The following LRFN5 variants were observed in gnomAD, a reference collection of about 807,000 sequenced individuals.
LRFN5 encodes the protein leucine-rich repeat and fibronectin type-III domain-containing protein 5.
LRFN5 carries 24 observed loss-of-function variants against 45.6 expected under a neutral mutation model. The observed-to-expected ratio is 0.53, with a 90% CI of 0.38 to 0.74. LRFN5 has a LOEUF of 0.74. Among genes scored for constraint, LRFN5 ranks in the 30% least tolerant of loss-of-function variants. LRFN5 has a pLI of 0.00. For missense variants in LRFN5, 776 were observed against 861.5 expected (o/e 0.90, Z 1.24); for synonymous variants, 340 against 313.8 (o/e 1.08, Z -0.88).
At chr14:41,808,370 GAAGGGAAAGAAGGAAGGAAGGA>G in intron 2 of LRFN5, among the ~76,000 whole-genome samples, 1 of 115,978 alleles carries the variant, frequency 8.6e-6, no homozygotes, top group African/African-American at 3.4e-5. Flanking sequence ...AGGAAGGAAG[GAAGGGAAAGAAGGAAGGAAGGA>G]AAGGAAGAAA....
intron 2 of LRFN5, among the ~76,000 whole-genome samples, chr14:41,803,151 T>G (rs1393684942): frequency 6.6e-6 from 1 of 152,152 alleles, no homozygotes; most frequent in Non-Finnish European, 1.5e-5. Context: ...TCAGATAAGT[T>G]AATAAATCAT....
chr14:41,833,630 C>T (rs1888560256), intron 2 of LRFN5, among the ~76,000 whole-genome samples: 1 of 152,206 alleles, frequency 6.6e-6, no homozygotes, highest in Admixed American at 6.5e-5. Context: ...TGCTGTTATT[C>T]ATATTTGTGC....
rs1887510564 is a variant in LRFN5 at position 41,607,024 on chromosome 14, G to C, written c.-1735G>C. ...GCCCCGGACCTCGGCTGCTTGCCTC[G>C]CGCCTGAACTGCGGACTCGCCCCAG... On this transcript the variant is annotated 5_prime_UTR_variant, in exon 1 of 6. Transcript: ENST00000298119. Among the ~76,000 whole-genome samples, 1 of 152,100 alleles carries C rather than the reference G, an allele frequency of 6.6e-6. No individual in the cohort carries two copies. The highest frequency in any genetic ancestry group is 1.5e-5 in the Non-Finnish European group (1 of 67,982).
chr14:41,862,124 C>A (rs1312619373), intron 2 of LRFN5, among the ~76,000 whole-genome samples: 1 of 152,220 alleles, frequency 6.6e-6, no homozygotes, highest in African/African-American at 2.4e-5. Flanking sequence ...ACCTCTCCAG[C>A]CATGCAGAAC....
chr14:41,807,274 T>C (rs1474786706), intron 2 of LRFN5, among the ~76,000 whole-genome samples: 1 of 151,046 alleles, frequency 6.6e-6, no homozygotes, highest in Non-Finnish European at 1.5e-5. Context: ...AAAGTAAAAC[T>C]TTTTTTTTAG....
intron 2 of LRFN5, among the ~76,000 whole-genome samples, chr14:41,831,425 A>T (rs1244962335): frequency 6.6e-6 from 1 of 152,210 alleles, no homozygotes; most frequent in East Asian, 1.9e-4. Context: ...CACTATACAC[A>T]TATATACATG....
chr14:41,651,997 T>TGGATCCATTCTAGTG (rs1880146867), intron 1 of LRFN5, among the ~76,000 whole-genome samples: 1 of 152,054 alleles, frequency 6.6e-6, no homozygotes, highest in Non-Finnish European at 1.5e-5. Context: ...TCCATTCTAG[T>TGGATCCATTCTAGTG]GACTTCATTT....
At position 41,607,133 on chromosome 14, in the gene LRFN5, T is replaced by A. The variant is rs1381903843; in HGVS notation, c.-1626T>A. 6.6e-6 allele frequency among the ~76,000 whole-genome samples: 1 copy of A among 152,128 alleles called. No individual in the cohort carries two copies. The highest frequency in any genetic ancestry group is 1.5e-5 in the Non-Finnish European group (1 of 68,000). ...GTGCAGAGCTGCCCGAACGGAGGAC[T>A]ATGTATGTGTGTGCGCGTGTTTGCG... is the stretch of plus-strand genomic sequence containing the variant. On this transcript the variant is annotated 5_prime_UTR_variant, in exon 1 of 6. Coordinates refer to ENST00000298119, the MANE Select transcript of LRFN5 (RefSeq NM_152447.5).
At chr14:41,836,620 G>A (rs1305392093) in intron 2 of LRFN5, among the ~76,000 whole-genome samples, 2 of 152,168 alleles carry the variant, frequency 1.3e-5, no homozygotes, top group African/African-American at 4.8e-5. Context: ...ATGTTCTGTA[G>A]TGATCCAGCA....
At chr14:41,674,151 G>A (rs1381393358) in intron 1 of LRFN5, among the ~76,000 whole-genome samples, 14 of 141,932 alleles carry the variant, frequency 9.9e-5, no homozygotes, top group African/African-American at 2.9e-4. Context: ...AGGGGCGGCC[G>A]GGCAGAGGCG....
intron 1 of LRFN5, among the ~76,000 whole-genome samples, chr14:41,643,999 CAT>C (rs1879700745): frequency 6.6e-6 from 1 of 152,102 alleles, no homozygotes; most frequent in East Asian, 1.9e-4. Context: ...CCCTTTATAA[CAT>C]GTGGTAATAT....
At chr14:41,734,316 T>TTATATATATATATATATATATATATA (rs60855395) in intron 1 of LRFN5, among the ~76,000 whole-genome samples, 611 of 38,620 alleles carry the variant, frequency 0.016, 87 homozygotes, top group Non-Finnish European at 0.025. Context: ...TGGACTGGTT[T>TTATATATATATATATATATATATATA]TATATATATA....
At chr14:41,731,198 C>T (rs1296592854) in intron 1 of LRFN5, 3 of 152,018 alleles carry the variant, frequency 2.0e-5, no homozygotes, top group South Asian at 2.1e-4. Context: ...TCCTTTTGTC[C>T]ATGGTTAAAA....
chr14:41,607,214 G>A lies in LRFN5; in HGVS notation c.-1545G>A, dbSNP rs1263024631. On this transcript the variant is annotated 5_prime_UTR_variant, in exon 1 of 6. Transcript: ENST00000298119. Reference sequence around the variant, plus strand: ...TGAGGATGTGAATTGTTTAGCAGCTGGCTGCTCCCTTAGGATCCTTGACTT... The same window carrying A: ...TGAGGATGTGAATTGTTTAGCAGCTAGCTGCTCCCTTAGGATCCTTGACTT... 1.3e-5 allele frequency among the ~76,000 whole-genome samples: 2 copies of A among 152,134 alleles called. No individual in the cohort carries two copies. The highest frequency in any genetic ancestry group is 3.9e-4 in the East Asian group (2 of 5,154).
At chr14:41,674,708 C>T (rs1881504334) in intron 1 of LRFN5, among the ~76,000 whole-genome samples, 1 of 151,364 alleles carries the variant, frequency 6.6e-6, no homozygotes. Context: ...GGGCTGACCC[C>T]CCTACCTCCC....
At chr14:41,684,768 A>G (rs1882049430) in intron 1 of LRFN5, among the ~76,000 whole-genome samples, 1 of 152,212 alleles carries the variant, frequency 6.6e-6, no homozygotes, top group South Asian at 2.1e-4. Context: ...ATACTCCACA[A>G]GCGCAGGCAA....
intron 2 of LRFN5, among the ~76,000 whole-genome samples, chr14:41,805,825 C>T (rs1350278743): frequency 6.6e-6 from 1 of 152,112 alleles, no homozygotes; most frequent in Non-Finnish European, 1.5e-5. Context: ...CTTCCTGGTG[C>T]AACTCCTCAG....
At chr14:41,834,165 G>GA (rs1013753054) in intron 2 of LRFN5, among the ~76,000 whole-genome samples, 10 of 151,096 alleles carry the variant, frequency 6.6e-5, no homozygotes, top group Middle Eastern at 3.4e-3. Flanking sequence ...TTTTCCCTAG[G>GA]AAAAAAAAAT....
At chr14:41,641,864 A>G (rs1399392341) in intron 1 of LRFN5, among the ~76,000 whole-genome samples, 1 of 152,158 alleles carries the variant, frequency 6.6e-6, no homozygotes, top group African/African-American at 2.4e-5. Flanking sequence ...ATAGTGCAAA[A>G]TATTTCTCCT....
Sources: allele counts gnomAD v4.1 joint callset (sites outside exome capture counted in the v4.1 genomes callset), GRCh38; gene constraint gnomAD v4.1.1; transcripts MANE v1.5; gene names NCBI Gene and HGNC (gene_info 2026-07-23, HGNC 2026-07-21).